The following ADGRL2 variants were observed in gnomAD, a reference collection of about 807,000 sequenced individuals.
ADGRL2 encodes the protein adhesion G protein-coupled receptor L2, also known as calcium-independent alpha-latrotoxin receptor 2.
Under a neutral mutation model 157.4 loss-of-function variants are expected in ADGRL2, and 44 were observed. That is an observed-to-expected ratio of 0.28 (90% CI 0.22 to 0.36). ADGRL2 has a LOEUF of 0.36. ADGRL2 is among the 10% of genes least tolerant of loss of function. ADGRL2 has a pLI of 1.00. For missense variants in ADGRL2, 1,510 were observed against 1,768.9 expected (o/e 0.85, Z 2.63); for synonymous variants, 585 against 624.7 (o/e 0.94, Z 0.95).
chr1:81,479,189 T>C (rs921011807), intron 2 of ADGRL2, among the ~76,000 whole-genome samples: 1 of 152,048 alleles, frequency 6.6e-6, no homozygotes, highest in African/African-American at 2.4e-5. Flanking sequence ...TTTCTTCTTA[T>C]AGGCTGGGTG....
At chr1:81,338,689 A>G (rs1661833357) in intron 1 of ADGRL2, among the ~76,000 whole-genome samples, 1 of 152,202 alleles carries the variant, frequency 6.6e-6, no homozygotes, top group African/African-American at 2.4e-5. Flanking sequence ...ATATGTTCTA[A>G]GTGATTCTTT....
chr1:81,383,373 A>C (rs2076375443), intron 1 of ADGRL2, among the ~76,000 whole-genome samples: 1 of 152,130 alleles, frequency 6.6e-6, no homozygotes, highest in Admixed American at 6.5e-5. Flanking sequence ...TCATGTTGTA[A>C]GTATTCCATA....
intron 2 of ADGRL2, among the ~76,000 whole-genome samples, chr1:81,447,601 ATC>A (rs1371936796): frequency 6.6e-6 from 1 of 152,182 alleles, no homozygotes; most frequent in African/African-American, 2.4e-5. Context: ...AGTAATTAGC[ATC>A]TCTCTAAAAT....
intron 3 of ADGRL2, among the ~76,000 whole-genome samples, chr1:81,660,284 G>T (rs923769696): frequency 6.6e-6 from 1 of 152,130 alleles, no homozygotes; most frequent in African/African-American, 2.4e-5. Flanking sequence ...GCTGTCTTTT[G>T]TATATTAGAT....
intron 3 of ADGRL2, among the ~76,000 whole-genome samples, chr1:81,671,378 TGA>T (rs2082871910): frequency 6.6e-6 from 1 of 152,212 alleles, no homozygotes; most frequent in Non-Finnish European, 1.5e-5. Context: ...GTTTTAAGGA[TGA>T]GAGAGCTATG....
intron 3 of ADGRL2, among the ~76,000 whole-genome samples, chr1:81,917,529 T>G (rs926285045): frequency 2.0e-5 from 3 of 152,178 alleles, no homozygotes; most frequent in Non-Finnish European, 4.4e-5. Context: ...AAAATAGAAG[T>G]AAATGATTTT....
At chr1:81,309,971 T>C (rs377369166) in intron 1 of ADGRL2, among the ~76,000 whole-genome samples, 40 of 152,296 alleles carry the variant, frequency 2.6e-4, no homozygotes, top group African/African-American at 9.4e-4. Context: ...TGCAAACAAC[T>C]GTTCACATCA....
At chr1:81,471,513 A>G (rs377665376) in intron 2 of ADGRL2, among the ~76,000 whole-genome samples, 9 of 152,184 alleles carry the variant, frequency 5.9e-5, no homozygotes, top group Non-Finnish European at 1.2e-4. Flanking sequence ...TGATTAAATA[A>G]CGTACTCCCT....
intron 1 of ADGRL2, among the ~76,000 whole-genome samples, chr1:81,704,225 C>T (rs540608559): frequency 1.3e-5 from 2 of 152,334 alleles, no homozygotes; most frequent in Non-Finnish European, 2.9e-5. Context: ...CTGTGCATTA[C>T]TTGGCAAAAA....
intron 3 of ADGRL2, among the ~76,000 whole-genome samples, chr1:81,660,100 A>G (rs1570760470): frequency 1.3e-5 from 2 of 152,118 alleles, no homozygotes; most frequent in Non-Finnish European, 2.9e-5. Flanking sequence ...TCAGTAATGA[A>G]CTGGGTGTAT....
At chr1:81,989,551 G>A in intron 23 of ADGRL2, 1 of 765,408 alleles carries the variant, frequency 1.3e-6, no homozygotes, top group Non-Finnish European at 2.2e-6. Flanking sequence ...GGCTGCTATT[G>A]CTGGTAATCT....
At chr1:81,401,151 C>T (rs901154415) in intron 1 of ADGRL2, among the ~76,000 whole-genome samples, 3 of 152,090 alleles carry the variant, frequency 2.0e-5, no homozygotes, top group Admixed American at 1.3e-4. Context: ...AGCTTTGGCA[C>T]CAGGAAGGTG....
chr1:81,776,733 G>C (rs949299594), intron 2 of ADGRL2, among the ~76,000 whole-genome samples: 2 of 152,124 alleles, frequency 1.3e-5, no homozygotes, highest in African/African-American at 4.8e-5. Flanking sequence ...CTGCTGGTGG[G>C]AGAAATCTTC....
chr1:81,817,998 A>G (rs2090588221), intron 1 of ADGRL2, among the ~76,000 whole-genome samples: 1 of 148,150 alleles, frequency 6.7e-6, no homozygotes, highest in Non-Finnish European at 1.5e-5. Context: ...ACCCGTTTCT[A>G]CCAGAAATTA....
intron 2 of ADGRL2, among the ~76,000 whole-genome samples, chr1:81,446,381 C>T (rs1024101581): frequency 1.3e-5 from 2 of 152,124 alleles, no homozygotes; most frequent in Admixed American, 1.3e-4. Context: ...CACAGTTCTT[C>T]CAGATCACAA....
chr1:81,334,888 A>C (rs529148631), intron 1 of ADGRL2, among the ~76,000 whole-genome samples: 1 of 152,328 alleles, frequency 6.6e-6, no homozygotes, highest in East Asian at 1.9e-4. Context: ...AAGAGCAGGG[A>C]AAAGTGTTTT....
At chr1:81,365,775 C>T (rs2076054821) in intron 1 of ADGRL2, among the ~76,000 whole-genome samples, 1 of 152,126 alleles carries the variant, frequency 6.6e-6, no homozygotes, top group Non-Finnish European at 1.5e-5. Context: ...GGTGTTAATA[C>T]CATTGACACT....
intron 3 of ADGRL2, among the ~76,000 whole-genome samples, chr1:81,687,435 GT>G (rs1194848687): frequency 6.6e-6 from 1 of 152,158 alleles, no homozygotes; most frequent in Admixed American, 6.5e-5. Flanking sequence ...TTTAAAGTTT[GT>G]TTTGTCTGAT....
Position 81,324,336 on chromosome 1 carries a change from T to C in ADGRL2, c.-302+17827T>C, listed in dbSNP as rs1660734788. ...CCAGGCAATATGGCAAAACCCTGTC[T>C]CTACAAAAAAAAAAATACAAAAATC... is the stretch of plus-strand genomic sequence containing the variant. On this transcript the variant is annotated intron_variant, in intron 1 of 24. Coordinates refer to the ADGRL2 transcript ENST00000370721. 4.1e-5 allele frequency among the ~76,000 whole-genome samples: 4 copies of C among 98,562 alleles called. No individual in the cohort carries two copies. In the Admixed American group the frequency reaches 4.3e-4, roughly 11 times the overall value. The allele number at this position is 98,562 out of a possible 152,430, so 64.7% of individuals were successfully genotyped here.
Sources: gnomAD v4.1 joint callset for allele counts (sites outside exome capture counted in the v4.1 genomes callset) on GRCh38, gnomAD v4.1.1 for gene constraint, MANE v1.5 for transcripts, NCBI Gene and HGNC (gene_info 2026-07-23, HGNC 2026-07-21) for gene names.